NFIL3: variants seen among roughly 807,000 people sequenced by gnomAD.
The protein encoded by NFIL3 is nuclear factor interleukin-3-regulated protein.
Under a neutral mutation model 10.0 loss-of-function variants are expected in NFIL3, and 5 were observed. That is an observed-to-expected ratio of 0.50 (90% confidence interval 0.26 to 1.06). NFIL3 has a LOEUF of 1.06. Among genes scored for constraint, NFIL3 ranks in the 50% least tolerant of loss-of-function variants. NFIL3 has a pLI of 0.13. For missense variants in NFIL3, 436 were observed against 547.6 expected (o/e 0.80, Z 2.03); for synonymous variants, 202 against 206.5 (o/e 0.98, Z 0.19).
At chr9:91,465,319 A>C in the NFIL3 span, among the ~76,000 whole-genome samples, 4 of 152,246 alleles carry the variant, frequency 2.6e-5, no homozygotes, top group Admixed American at 6.5e-5. Flanking sequence ...CAGTTTGTGA[A>C]GTTTTAACTG....
chr9:91,442,251 T>A, the NFIL3 span, among the ~76,000 whole-genome samples: 1 of 152,230 alleles, frequency 6.6e-6, no homozygotes, highest in Non-Finnish European at 1.5e-5. Context: ...TTTTGGTACT[T>A]TAAATATATT....
intron 1 of NFIL3, among the ~76,000 whole-genome samples, chr9:91,421,252 C>T (rs1173978341): frequency 1.3e-5 from 2 of 151,710 alleles, no homozygotes; most frequent in African/African-American, 4.8e-5. Flanking sequence ...GTCCCTGGCT[C>T]CCTGGCTCCC....
At chr9:91,442,542 C>A in the NFIL3 span, among the ~76,000 whole-genome samples, 3 of 152,120 alleles carry the variant, frequency 2.0e-5, no homozygotes, top group Non-Finnish European at 4.4e-5. Context: ...GCGAGCCAGG[C>A]GCAGAGTGGT....
At chr9:91,411,637 G>A (rs150640943) in intron 1 of NFIL3, among the ~76,000 whole-genome samples, 1 of 152,226 alleles carries the variant, frequency 6.6e-6, no homozygotes, top group African/African-American at 2.4e-5. Context: ...TCTCCATCAA[G>A]CCATCTCTTT....
chr9:91,480,602 A>G, the NFIL3 span, among the ~76,000 whole-genome samples: 1 of 152,344 alleles, frequency 6.6e-6, no homozygotes, highest in South Asian at 2.1e-4. Flanking sequence ...ACTAAAAAAA[A>G]GGAGAATAGA....
chr9:91,435,758 C>T, the NFIL3 span, among the ~76,000 whole-genome samples: 71 of 152,322 alleles, frequency 4.7e-4, no homozygotes, highest in African/African-American at 1.7e-3. Context: ...ACAGTTTATT[C>T]CATGTGCCTA....
At chr9:91,449,125 T>C in the NFIL3 span, among the ~76,000 whole-genome samples, 1 of 152,208 alleles carries the variant, frequency 6.6e-6, no homozygotes, top group South Asian at 2.1e-4. Context: ...TGTGTATTCT[T>C]TGGAATTTTC....
the NFIL3 span, among the ~76,000 whole-genome samples, chr9:91,470,430 C>A: frequency 1.9e-5 from 1 of 53,668 alleles, no homozygotes; most frequent in South Asian, 6.8e-4. Context: ...ATTAGTCTTG[C>A]TAGTGGTGTA....
At chr9:91,448,648 G>A in the NFIL3 span, among the ~76,000 whole-genome samples, 1 of 152,160 alleles carries the variant, frequency 6.6e-6, no homozygotes, top group South Asian at 2.1e-4. Flanking sequence ...AGGCTTGGTA[G>A]TAAGTTTTAA....
At chr9:91,469,640 G>A in the NFIL3 span, among the ~76,000 whole-genome samples, 19 of 152,080 alleles carry the variant, frequency 1.2e-4, no homozygotes, top group Admixed American at 4.6e-4. Flanking sequence ...CAGTTTTTGC[G>A]CATTCAGTAT....
the NFIL3 span, among the ~76,000 whole-genome samples, chr9:91,447,260 G>A: frequency 6.6e-6 from 1 of 152,124 alleles, no homozygotes; most frequent in Non-Finnish European, 1.5e-5. Context: ...CTCTGACTTT[G>A]AGCTATTATG....
chr9:91,434,454 A>G, the NFIL3 span, among the ~76,000 whole-genome samples: 1 of 152,224 alleles, frequency 6.6e-6, no homozygotes, highest in East Asian at 1.9e-4. Flanking sequence ...GCATAAAAAT[A>G]TTCCCGTAAT....
At chr9:91,452,152 G>T in the NFIL3 span, among the ~76,000 whole-genome samples, 1 of 152,050 alleles carries the variant, frequency 6.6e-6, no homozygotes, top group East Asian at 1.9e-4. Flanking sequence ...AAGCTGACCA[G>T]CATTAACATC....
chr9:91,433,580 A>G, the NFIL3 span, among the ~76,000 whole-genome samples: 1 of 152,222 alleles, frequency 6.6e-6, no homozygotes, highest in East Asian at 1.9e-4. Flanking sequence ...CCTGCCTTAA[A>G]AATGGACATG....
At chr9:91,469,844 C>T in the NFIL3 span, among the ~76,000 whole-genome samples, 4 of 152,024 alleles carry the variant, frequency 2.6e-5, no homozygotes, top group Admixed American at 6.6e-5. Flanking sequence ...TATTGATTTG[C>T]GTATGTTGAA....
the NFIL3 span, among the ~76,000 whole-genome samples, chr9:91,466,698 G>C: frequency 6.6e-6 from 1 of 152,176 alleles, no homozygotes; most frequent in Non-Finnish European, 1.5e-5. Context: ...ACGCAGGATA[G>C]TTCTATCACA....
the NFIL3 span, among the ~76,000 whole-genome samples, chr9:91,436,450 C>CAA: frequency 0.096 from 14,606 of 152,088 alleles, 915 homozygotes; most frequent in African/African-American, 0.17. Context: ...TGGTGGCGGG[C>CAA]ACCTTTAGTT....
chr9:91,453,489 A>G, the NFIL3 span, among the ~76,000 whole-genome samples: 2 of 152,072 alleles, frequency 1.3e-5, no homozygotes, highest in African/African-American at 4.8e-5. Context: ...ATATTTAAAA[A>G]CTAACTTTAT....
At chr9:91,440,538 C>T in the NFIL3 span, among the ~76,000 whole-genome samples, 11 of 151,950 alleles carry the variant, frequency 7.2e-5, no homozygotes, top group South Asian at 4.1e-4. Context: ...TTCCTTCCTT[C>T]TGCTAACTTT....
Sources: gnomAD v4.1 joint callset for allele counts (sites outside exome capture counted in the v4.1 genomes callset) on GRCh38, gnomAD v4.1.1 for gene constraint, MANE v1.5 for transcripts, NCBI Gene and HGNC (gene_info 2026-07-23, HGNC 2026-07-21) for gene names.